DCAF6: variants seen among roughly 807,000 people sequenced by gnomAD.
DCAF6 encodes the protein DDB1 and CUL4 associated factor 6.
In DCAF6, 54 loss-of-function variants were observed where a neutral mutation model predicts 125.1. The observed-to-expected ratio is 0.43, with a 90% CI of 0.35 to 0.54. DCAF6 has a LOEUF of 0.54. Among genes scored for constraint, DCAF6 ranks in the 20% least tolerant of loss-of-function variants. The pLI, the probability that DCAF6 is intolerant of heterozygous loss-of-function variation, is 0.01. For missense variants in DCAF6, 934 were observed against 1,161.7 expected, an observed-to-expected ratio of 0.80 and a Z score of 2.85; for synonymous variants, 371 against 390.4, an observed-to-expected ratio of 0.95 and a Z score of 0.58.
chr1:167,963,249 G>A (rs997492040), intron 2 of DCAF6, among the ~76,000 whole-genome samples: 1 of 151,566 alleles, frequency 6.6e-6, no homozygotes, highest in African/African-American at 2.4e-5. Context: ...GGGCAAAAGC[G>A]TGAAACTCTG....
At chr1:167,915,800 G>A in the DCAF6 span, among the ~76,000 whole-genome samples, 1 of 152,124 alleles carries the variant, frequency 6.6e-6, no homozygotes, top group Non-Finnish European at 1.5e-5. Flanking sequence ...ACCAGGCACT[G>A]TGTTAAAACC....
At chr1:167,887,634 T>C in the DCAF6 span, among the ~76,000 whole-genome samples, 1 of 152,086 alleles carries the variant, frequency 6.6e-6, no homozygotes, top group Non-Finnish European at 1.5e-5. Flanking sequence ...ACATGGGACA[T>C]GTATACATAA....
the DCAF6 span, among the ~76,000 whole-genome samples, chr1:167,872,467 A>T: frequency 1.3e-5 from 2 of 151,794 alleles, no homozygotes; most frequent in Admixed American, 6.6e-5. Context: ...CTTTAGCTGG[A>T]TTCTAAAATG....
rs1368296811 is a variant in DCAF6, at chr1:167,936,886, C to T, written c.-26C>T. On this transcript the variant is annotated 5_prime_UTR_variant, in exon 1 of 22. Transcript: ENST00000367840. ...CTCCCCTCCCCCACGCGGTGGTCTCCCCTCCCACCCGGCTCAGGCAGAGCC... is the reference window on the plus strand; with the variant it reads ...CTCCCCTCCCCCACGCGGTGGTCTCTCCTCCCACCCGGCTCAGGCAGAGCC... 7.0e-6 allele frequency: 11 copies of T among 1,562,188 alleles called. No individual in the cohort carries two copies. Among genetic ancestry groups the T allele is most frequent in the Non-Finnish European group, 8.7e-7 (1 of 1,151,328 alleles).
At chr1:168,002,610 G>A (rs1312771553) in intron 8 of DCAF6, 35 bp downstream of exon 8, 2 of 1,508,896 alleles carry the variant, frequency 1.3e-6, no homozygotes, top group Non-Finnish European at 1.8e-6. Flanking sequence ...CTTTGTATAT[G>A]GTATTTTAAA....
At chr1:167,982,444 C>T (rs1298341954) in intron 4 of DCAF6, among the ~76,000 whole-genome samples, 5 of 151,992 alleles carry the variant, frequency 3.3e-5, no homozygotes, top group South Asian at 2.1e-4. Flanking sequence ...GGTTTCACCG[C>T]GTCAACCAGG....
intron 10 of DCAF6, among the ~76,000 whole-genome samples, chr1:168,010,565 C>T (rs1207393473): frequency 6.6e-6 from 1 of 151,844 alleles, no homozygotes; most frequent in African/African-American, 2.4e-5. Flanking sequence ...CTATATACCT[C>T]GCCCAGAATT....
chr1:167,897,997 C>CAAAAAAAA, the DCAF6 span, among the ~76,000 whole-genome samples: 4 of 17,390 alleles, frequency 2.3e-4, no homozygotes, highest in African/African-American at 1.2e-3. Context: ...GACTCTGTCT[C>CAAAAAAAA]AAAAAAAAAA....
the DCAF6 span, among the ~76,000 whole-genome samples, chr1:167,915,373 C>T: frequency 6.6e-6 from 1 of 152,334 alleles, no homozygotes; most frequent in South Asian, 2.1e-4. Flanking sequence ...AATAGGTTAA[C>T]ACAGTATATC....
At chr1:167,979,177 G>T (rs1678712658) in intron 4 of DCAF6, among the ~76,000 whole-genome samples, 1 of 151,652 alleles carries the variant, frequency 6.6e-6, no homozygotes, top group Non-Finnish European at 1.5e-5. Context: ...CCCATATGAA[G>T]TTTTTTGTGT....
rs1257854030 is a variant in DCAF6 at position 168,004,669 on chromosome 1, A to C, written c.1254A>C (p.Ser418=). The part of the protein sequence containing the change: ...FLQPSTSSTM[S]AQAHSTSSPT... ...AGCCTTCTACATCCTCTACAATGTC[A>C]GCTCAGGCTCATTCGACATCATCTC... Residue 418 remains serine, a synonymous_variant, in exon 10 of 22, where the codon TCA becomes TCC. Coordinates refer to ENST00000367840, the MANE Select transcript of DCAF6 (RefSeq NM_001198956.2). 4 of 1,613,898 alleles carry C rather than the reference A, an allele frequency of 2.5e-6. No homozygotes were observed. The highest frequency in any genetic ancestry group is 1.3e-5 in the African/African-American group (1 of 74,926).
intron 7 of DCAF6, 35 bp downstream of exon 7, chr1:167,993,475 C>A: frequency 6.3e-7 from 1 of 1,578,112 alleles, no homozygotes; most frequent in Non-Finnish European, 8.7e-7. Context: ...TTTGGCCGGG[C>A]GCGGTGGCTC....
At chr1:168,003,808 T>C (rs1682963356) in intron 8 of DCAF6, 62 bp from the exon 9 acceptor site, 2 of 1,450,990 alleles carry the variant, frequency 1.4e-6, no homozygotes, top group Non-Finnish European at 1.9e-6. Context: ...ATCTAGGTTT[T>C]TGTATTAATG....
At chr1:168,074,061 A>G (rs536002890) in intron 21 of DCAF6, among the ~76,000 whole-genome samples, 23 of 151,478 alleles carry the variant, frequency 1.5e-4, no homozygotes, top group Non-Finnish European at 3.0e-4. Context: ...TTCAATACCT[A>G]TTTGTATAAT....
intron 4 of DCAF6, among the ~76,000 whole-genome samples, chr1:167,983,655 T>C (rs1416516128): frequency 6.6e-6 from 1 of 152,260 alleles, no homozygotes; most frequent in Admixed American, 6.5e-5. Context: ...CACATTCTTA[T>C]ATATGTGCAT....
At chr1:167,949,097 C>A (rs561043168) in intron 1 of DCAF6, among the ~76,000 whole-genome samples, 1 of 152,222 alleles carries the variant, frequency 6.6e-6, no homozygotes, top group South Asian at 2.1e-4. Flanking sequence ...ATACATGGGT[C>A]AATAAAGCAG....
At chr1:168,017,853 T>A (rs1685181506) in intron 11 of DCAF6, among the ~76,000 whole-genome samples, 1 of 152,166 alleles carries the variant, frequency 6.6e-6, no homozygotes, top group Non-Finnish European at 1.5e-5. Flanking sequence ...AGAAGCATAT[T>A]TTTCCTTCAT....
intron 1 of DCAF6, 22 bp downstream of exon 1, chr1:167,937,030 G>A: frequency 6.3e-7 from 1 of 1,589,240 alleles, no homozygotes; most frequent in South Asian, 1.1e-5. Flanking sequence ...CCCCGGGGCG[G>A]AGGCGCTGAG....
intron 17 of DCAF6, among the ~76,000 whole-genome samples, chr1:168,056,794 C>A (rs999018688): frequency 2.6e-5 from 4 of 152,192 alleles, no homozygotes; most frequent in African/African-American, 9.7e-5. Context: ...CTACAAAAAT[C>A]CCAAGTTTTA....
Sources: allele counts gnomAD v4.1 joint callset (sites outside exome capture counted in the v4.1 genomes callset), GRCh38; gene constraint gnomAD v4.1.1; transcripts MANE v1.5; gene names NCBI Gene and HGNC (gene_info 2026-07-23, HGNC 2026-07-21).